Variants in FBXO9 observed in about 807,000 individuals in gnomAD.
The protein encoded by FBXO9 is F-box only protein 9.
A neutral mutation model predicts 63.7 loss-of-function variants in FBXO9; 43 were observed. The ratio of observed to expected loss-of-function variants is 0.67; its 90% CI spans 0.53 to 0.87. FBXO9 has a LOEUF of 0.87. FBXO9 is among the 40% of genes least tolerant of loss of function. The pLI is 0.00. For missense variants in FBXO9, 442 were observed against 533.2 expected (o/e 0.83, Z 1.68); for synonymous variants, 156 against 171.7 (o/e 0.91, Z 0.72).
At chr6:53,072,581 G>C (rs1196330317) in intron 2 of FBXO9, among the ~76,000 whole-genome samples, 1 of 152,154 alleles carries the variant, frequency 6.6e-6, no homozygotes, top group African/African-American at 2.4e-5. Flanking sequence ...TTTTGCTGAG[G>C]CAATACCCAA....
intron 7 of FBXO9, among the ~76,000 whole-genome samples, chr6:53,089,327 G>C (rs944405345): frequency 6.6e-6 from 1 of 151,722 alleles, no homozygotes; most frequent in Non-Finnish European, 1.5e-5. Flanking sequence ...CGCCTGCCTC[G>C]GCCTCCCAAA....
Position 53,087,176 on chromosome 6 carries a change from T to C in FBXO9, c.653+4558T>C, listed in dbSNP as rs1379429302. Among the ~76,000 whole-genome samples the C allele has an allele frequency of 2.0e-5, 3 of 151,822 alleles. No homozygotes were observed. In the East Asian group the frequency reaches 5.8e-4, roughly 29 times the overall value. On this transcript the variant is annotated intron_variant, in intron 7 of 12. Transcript: ENST00000323557. The stretch of plus-strand genomic sequence containing the variant: ...GAGCAACATGACGAAACCCCGTCTC[T>C]ATGATAAAATAGAAAAATTAGTTGG...
chr6:53,071,058 C>CAGA lies in FBXO9; in HGVS notation c.8_10dup (p.Glu3dup). 6.4e-7 allele frequency: 1 copy of CAGA among 1,570,264 alleles called. No individual in the cohort carries two copies. Among genetic ancestry groups the CAGA allele is most frequent in the Non-Finnish European group, 8.7e-7 (1 of 1,155,660 alleles). Reference sequence around the variant, plus strand: ...ATTATTTGGGTTTTCCCCCCTCAGGCAGAAGCTGAGGAAGATTGTCATTCT... The same window carrying CAGA: ...ATTATTTGGGTTTTCCCCCCTCAGGCAGAAGAAGCTGAGGAAGATTGTCATTCT... On this transcript the variant is annotated inframe_insertion and splice_region_variant, in exon 2 of 13. Coordinates refer to ENST00000323557, the MANE Select transcript of FBXO9 (RefSeq NM_033480.3).
At chr6:53,083,494 C>CA (rs1329187063) in intron 7 of FBXO9, among the ~76,000 whole-genome samples, 4 of 152,106 alleles carry the variant, frequency 2.6e-5, no homozygotes, top group African/African-American at 9.7e-5. Context: ...TTCAGGGAAA[C>CA]AAAAGTTTTT....
rs1303461450 is a variant in FBXO9 at position 53,098,840 on chromosome 6, G to A, written c.*1010G>A. On this transcript the variant is annotated 3_prime_UTR_variant, in exon 13 of 13. Transcript: ENST00000323557. ...GTTGGGGGAGAGCACCAGCCACCTA[G>A]GAAAACTGTATGTTACCTTTTTACT... is the stretch of plus-strand genomic sequence containing the variant. 1 of 152,156 alleles carries A rather than the reference G, an allele frequency of 6.6e-6. No homozygotes were observed. Among genetic ancestry groups the A allele is most frequent in the Non-Finnish European group, 1.5e-5 (1 of 68,060 alleles). 9.4% of individuals were successfully genotyped at this position (152,156 alleles called of 1,614,324 possible).
intron 1 of FBXO9, chr6:53,066,070 C>T (rs1298463959): frequency 8.2e-7 from 1 of 1,214,872 alleles, no homozygotes; most frequent in Non-Finnish European, 1.0e-6. Context: ...GGGAAAATGT[C>T]CCTTCTCGGC....
chr6:53,075,813 A>G (rs1366653578), intron 3 of FBXO9, among the ~76,000 whole-genome samples: 1 of 124,862 alleles, frequency 8.0e-6, no homozygotes, highest in Non-Finnish European at 1.5e-5. Flanking sequence ...GCACGATCTC[A>G]GCTCACAGCA....
intron 7 of FBXO9, among the ~76,000 whole-genome samples, chr6:53,085,330 A>T (rs1464817896): frequency 6.6e-6 from 1 of 152,228 alleles, no homozygotes; most frequent in Non-Finnish European, 1.5e-5. Context: ...TTTGTTCAAG[A>T]GTACTGCTAG....
chr6:53,068,672 A>C (rs1385387263), intron 1 of FBXO9, among the ~76,000 whole-genome samples: 1 of 63,652 alleles, frequency 1.6e-5, no homozygotes, highest in Non-Finnish European at 3.5e-5. Context: ...TTTTTTTTTG[A>C]GACAGGGTCT....
chr6:53,097,028 GA>G (rs1763230812), intron 12 of FBXO9, among the ~76,000 whole-genome samples: 1 of 152,118 alleles, frequency 6.6e-6, no homozygotes. Context: ...GACATTACCA[GA>G]GGCATTATTT....
Position 53,092,527 on chromosome 6 carries a change from G to A in FBXO9, c.752G>A (p.Arg251Gln). 1 of 1,613,534 alleles carries A rather than the reference G, an allele frequency of 6.2e-7. No individual in the cohort carries two copies. The highest frequency in any genetic ancestry group is 8.5e-7 in the Non-Finnish European group (1 of 1,179,612). ...YTSWREMFLERPRVRFDGVYI... is the reference protein window; with the variant it reads ...YTSWREMFLEQPRVRFDGVYI... ...TCCTGGAGAGAGATGTTTTTAGAAC[G>A]GCCTCGTGTTCGGTTTGATGGTAAG... The change falls in exon 8 of 13, where the codon CGG becomes CAG. Residue 251 changes from arginine to glutamine, a missense_variant. By Grantham distance (43) the Arg-to-Gln change is conservative. Coordinates refer to ENST00000323557, the MANE Select transcript of FBXO9 (RefSeq NM_033480.3).
chr6:53,079,222 GT>G (rs1769226393), intron 5 of FBXO9, among the ~76,000 whole-genome samples: 1 of 152,198 alleles, frequency 6.6e-6, no homozygotes, highest in East Asian at 1.9e-4. Flanking sequence ...GAAGTAGAAA[GT>G]TTTAAAATGT....
chr6:53,095,685 T>A, intron 12 of FBXO9, 21 bp downstream of exon 12: 1 of 1,591,918 alleles, frequency 6.3e-7, no homozygotes, highest in Non-Finnish European at 8.5e-7. Flanking sequence ...GCAATAAAAA[T>A]AACAAGGTTA....
chr6:53,087,084 A>G (rs1762909717), intron 7 of FBXO9, among the ~76,000 whole-genome samples: 1 of 152,074 alleles, frequency 6.6e-6, no homozygotes, highest in South Asian at 2.1e-4. Flanking sequence ...CCTCACACCT[A>G]TAATCCTAGC....
rs2127485050 is a variant in FBXO9 at position 53,065,847 on chromosome 6, C to T, written c.3+55C>T. 4.7e-6 allele frequency: 6 copies of T among 1,287,204 alleles called. No homozygotes were observed. The East Asian group carries it at 1.9e-4, about 40-fold the overall frequency. The allele number at this position is 1,287,204 out of a possible 1,614,324, so 79.7% of individuals were successfully genotyped here. A position where few individuals can be genotyped will look rare whatever the true frequency, so the allele number is the denominator to read the frequency against. ...CGCCGCGGGGCGGGAGCGTGGTGTGCAGAGGGGCCGGGCCTAGGGCTGGGG... is the reference window on the plus strand; with the variant it reads ...CGCCGCGGGGCGGGAGCGTGGTGTGTAGAGGGGCCGGGCCTAGGGCTGGGG... On this transcript the variant is annotated intron_variant, in intron 1 of 12. Transcript: ENST00000323557.
chr6:53,085,554 C>G (rs1378236205), intron 7 of FBXO9, among the ~76,000 whole-genome samples: 1 of 151,790 alleles, frequency 6.6e-6, no homozygotes, highest in Non-Finnish European at 1.5e-5. Context: ...GACTATCAGA[C>G]TTTTATATAA....
intron 1 of FBXO9, among the ~76,000 whole-genome samples, chr6:53,066,405 C>A (rs531753482): frequency 1.3e-5 from 2 of 152,356 alleles, no homozygotes; most frequent in South Asian, 4.1e-4. Flanking sequence ...AGCTAAGTTG[C>A]AGAGCTTGAC....
rs1349333182 is a variant in FBXO9, at chr6:53,073,623, A to G, written c.233A>G (p.Gln78Arg). The G allele has an allele frequency of 1.3e-6, 2 of 1,590,098 alleles. No individual in the cohort carries two copies. The highest frequency in any genetic ancestry group is 1.8e-5 in the Admixed American group (1 of 56,310). Residue 78 changes from glutamine to arginine, a missense_variant, in exon 3 of 13, where the codon CAG becomes CGG. By Grantham distance (43) the Gln-to-Arg change is conservative. Coordinates refer to ENST00000323557, the MANE Select transcript of FBXO9 (RefSeq NM_033480.3). ...GCAGATACCAAAGGAAAACAAGAACAGGCAAAAGAAGAAAAGTTAAGTATT... is the reference window on the plus strand; with the variant it reads ...GCAGATACCAAAGGAAAACAAGAACGGGCAAAAGAAGAAAAGTTAAGTATT... The part of the protein sequence containing the change: ...TSADTKGKQE[Q>R]AKEEKARELF...
chr6:53,065,886 C>T, intron 1 of FBXO9, 94 bp downstream of exon 1: 3 of 1,236,580 alleles, frequency 2.4e-6, no homozygotes, highest in Non-Finnish European at 3.1e-6. Flanking sequence ...GGCGGGGACT[C>T]TGGGGAGGAG....
Sources: allele counts gnomAD v4.1 joint callset (sites outside exome capture counted in the v4.1 genomes callset), GRCh38; gene constraint gnomAD v4.1.1; transcripts MANE v1.5; gene names NCBI Gene and HGNC (gene_info 2026-07-23, HGNC 2026-07-21).